Variants in OPHN1 observed in about 807,000 individuals in gnomAD.
The protein encoded by OPHN1 is oligophrenin-1.
A neutral mutation model predicts 60.7 loss-of-function variants in OPHN1; 11 were observed. That is an observed-to-expected ratio of 0.18 (90% CI 0.11 to 0.30). The LOEUF (loss-of-function observed/expected upper bound fraction) is 0.30, where lower values mean the gene tolerates loss of function less well. Among genes scored for constraint, OPHN1 ranks in the 10% least tolerant of loss-of-function variants. The pLI is 1.00. For missense variants in OPHN1, 449 were observed against 611.0 expected (o/e 0.73, Z 2.80); for synonymous variants, 226 against 222.6 (o/e 1.02, Z -0.14).
At chrX:68,350,023 C>A (rs1220402101) in intron 2 of OPHN1, among the ~76,000 whole-genome samples, 1 of 111,042 alleles carries the variant, frequency 9.0e-6, no homozygotes. Context: ...CAAAACTGCA[C>A]GTTCTGCACA....
intron 2 of OPHN1, among the ~76,000 whole-genome samples, chrX:68,376,809 T>C (rs1602366118): frequency 1.8e-5 from 2 of 111,846 alleles, no homozygotes; most frequent in South Asian, 7.4e-4. Context: ...ATCAGATTCC[T>C]GGAAAGACTT....
intron 15 of OPHN1, among the ~76,000 whole-genome samples, chrX:68,172,794 A>G (rs779360270): frequency 2.8e-4 from 31 of 111,484 alleles, no homozygotes; most frequent in African/African-American, 1.0e-3. Flanking sequence ...CAACACTCAT[A>G]GTGAATTCTT....
At chrX:68,196,351 G>GT (rs991313092) in intron 12 of OPHN1, among the ~76,000 whole-genome samples, 2 of 111,924 alleles carry the variant, frequency 1.8e-5, no homozygotes. Flanking sequence ...ACTTCCATCT[G>GT]TTTTTTCTAA....
Position 68,053,632 on chromosome X carries a change from C to A in OPHN1, c.2324+13G>T. On this transcript the variant is annotated intron_variant, in intron 22 of 24. Coordinates refer to ENST00000355520, the MANE Select transcript of OPHN1 (RefSeq NM_002547.3). ...CAGGACTTCAGTCAACTTTGAGGTA[C>A]AACCCTACTTACACAGATGATGTGA... The A allele has an allele frequency of 8.3e-7, 1 of 1,209,823 alleles. No individual in the cohort carries two copies.
intron 5 of OPHN1, 135 bp from the exon 6 acceptor site, chrX:68,234,723 C>G (rs141996735): frequency 2.7e-5 from 14 of 511,082 alleles, no homozygotes; most frequent in Non-Finnish European, 4.4e-5. Flanking sequence ...AAAAAAGCAA[C>G]GGAGAATTAA....
At chrX:68,287,156 GGAAAGAAA>G (rs538783611) in intron 3 of OPHN1, among the ~76,000 whole-genome samples, 61 of 72,893 alleles carry the variant, frequency 8.4e-4, no homozygotes, top group South Asian at 1.4e-3. Flanking sequence ...GAAGAAAGAA[GGAAAGAAA>G]GAAAGAAAGA....
At chrX:68,186,249 C>T (rs916647099) in intron 15 of OPHN1, among the ~76,000 whole-genome samples, 3 of 111,167 alleles carry the variant, frequency 2.7e-5, no homozygotes, top group Non-Finnish European at 5.6e-5. Flanking sequence ...TTAGGAGGTA[C>T]TCAAGATTAC....
intron 5 of OPHN1, among the ~76,000 whole-genome samples, chrX:68,267,200 C>T (rs1187002754): frequency 9.0e-6 from 1 of 111,200 alleles, no homozygotes; most frequent in Non-Finnish European, 1.9e-5. Context: ...TACAGAACTC[C>T]CCACCCCAAA....
At chrX:68,214,748 G>T (rs2077600315) in intron 6 of OPHN1, among the ~76,000 whole-genome samples, 1 of 112,052 alleles carries the variant, frequency 8.9e-6, no homozygotes, top group Admixed American at 9.5e-5. Flanking sequence ...TGTAATCCCA[G>T]CACTTTGGGA....
chrX:68,426,301 C>T (rs1053846921), intron 2 of OPHN1, among the ~76,000 whole-genome samples: 2 of 108,011 alleles, frequency 1.9e-5, no homozygotes, highest in African/African-American at 3.3e-5. Flanking sequence ...ATTAGCTGGG[C>T]GTGGTAGCGC....
chrX:68,105,659 G>T (rs1343015676), intron 18 of OPHN1, among the ~76,000 whole-genome samples: 1 of 106,802 alleles, frequency 9.4e-6, no homozygotes, highest in African/African-American at 3.4e-5. Context: ...GCCTGTCGGG[G>T]GGTGGGGGGC....
chrX:68,313,924 C>A lies in OPHN1; in HGVS notation c.155-14828G>T, dbSNP rs776823413. On this transcript the variant is annotated intron_variant, in intron 2 of 24. Coordinates refer to ENST00000355520, the MANE Select transcript of OPHN1 (RefSeq NM_002547.3). ...CATTTACCCTGATGTGATTATTAAC[C>A]ATTGTATGCCTGTATCAAAATATCT... Among the ~76,000 whole-genome samples the A allele has an allele frequency of 5.4e-5, 6 of 111,121 alleles. No homozygotes were observed. In the South Asian group the frequency reaches 2.3e-3, roughly 43 times the overall value.
chrX:68,258,946 C>T (rs1258546650), intron 5 of OPHN1, among the ~76,000 whole-genome samples: 1 of 111,906 alleles, frequency 8.9e-6, no homozygotes, highest in Non-Finnish European at 1.9e-5. Flanking sequence ...TTTTATACTG[C>T]TAGTGATGAG....
chrX:68,409,087 C>A (rs1395850803), intron 2 of OPHN1, among the ~76,000 whole-genome samples: 1 of 112,660 alleles, frequency 8.9e-6, no homozygotes, highest in Non-Finnish European at 1.9e-5. Flanking sequence ...TTCCTCTAGG[C>A]ATACAGCACT....
At chrX:68,399,480 G>A (rs868536822) in intron 2 of OPHN1, among the ~76,000 whole-genome samples, 6 of 111,179 alleles carry the variant, frequency 5.4e-5, no homozygotes, top group Non-Finnish European at 5.6e-5. Context: ...GCGAAACCCC[G>A]TCTCTACTAA....
In OPHN1 at chrX:68,428,899, C is replaced by T. The variant is rs181983317; in HGVS notation, c.154+3968G>A. Among the ~76,000 whole-genome samples the T allele has an allele frequency of 2.7e-5, 3 of 112,359 alleles. No individual in the cohort carries two copies. The East Asian group carries it at 8.4e-4, about 32-fold the overall frequency. On this transcript the variant is annotated intron_variant, in intron 2 of 24. Coordinates refer to ENST00000355520, the MANE Select transcript of OPHN1 (RefSeq NM_002547.3). ...CACTTCAACAATTATGAAGAGATCA[C>T]ATTTAAGCAAGAGGAGTTCCAACTA...
intron 18 of OPHN1, among the ~76,000 whole-genome samples, chrX:68,106,092 A>G (rs1243179040): frequency 1.1e-5 from 1 of 92,618 alleles, no homozygotes; most frequent in Admixed American, 1.2e-4. Context: ...AAAAAGAGGG[A>G]GAGAGAGAGA....
intron 5 of OPHN1, among the ~76,000 whole-genome samples, chrX:68,242,668 A>C (rs1208134779): frequency 9.0e-6 from 1 of 111,289 alleles, no homozygotes; most frequent in Non-Finnish European, 1.9e-5. Flanking sequence ...AAAAAACCCA[A>C]ATGTCTATCA....
chrX:68,071,661 T>C, intron 20 of OPHN1: 2 of 547,116 alleles, frequency 3.7e-6, no homozygotes, highest in Non-Finnish European at 6.7e-6. Context: ...CCTCTGGTTG[T>C]TTGTTATCTG....
Sources: gnomAD v4.1 joint callset for allele counts (sites outside exome capture counted in the v4.1 genomes callset) on GRCh38, gnomAD v4.1.1 for gene constraint, MANE v1.5 for transcripts, NCBI Gene and HGNC (gene_info 2026-07-23, HGNC 2026-07-21) for gene names.